The following PLAA variants were observed in gnomAD, a reference collection of about 807,000 sequenced individuals.
The protein encoded by PLAA is phospholipase A2 activating protein.
In PLAA, 48 loss-of-function variants were observed where a neutral mutation model predicts 84.1. That is an observed-to-expected ratio of 0.57 (90% confidence interval 0.45 to 0.73). PLAA has a LOEUF of 0.73. Among genes scored for constraint, PLAA ranks in the 30% least tolerant of loss-of-function variants. The pLI, the probability that PLAA is intolerant of heterozygous loss-of-function variation, is 0.00. For synonymous variants in PLAA, 392 were observed against 336.6 expected (o/e 1.16, Z -1.80); for missense variants, 903 against 954.7 (o/e 0.95, Z 0.71).
chr9:26,918,322 GT>G (rs999618571), intron 9 of PLAA, among the ~76,000 whole-genome samples: 2 of 144,440 alleles, frequency 1.4e-5, no homozygotes, highest in African/African-American at 5.2e-5. Flanking sequence ...TAGAGACAGG[GT>G]TTCGCTATGT....
chr9:26,939,249 G>C (rs762577129), intron 1 of PLAA, among the ~76,000 whole-genome samples: 19 of 151,900 alleles, frequency 1.3e-4, no homozygotes, highest in Non-Finnish European at 2.8e-4. Flanking sequence ...TTAGCCAGGT[G>C]TGGTGGCAGG....
At chr9:26,926,325 C>T in intron 5 of PLAA, 68 bp downstream of exon 5, 2 of 997,530 alleles carry the variant, frequency 2.0e-6, no homozygotes, top group Non-Finnish European at 3.1e-6. Flanking sequence ...CTCCTCCCTC[C>T]ATCTCACAAA....
intron 13 of PLAA, among the ~76,000 whole-genome samples, chr9:26,906,986 C>A (rs1257588986): frequency 1.6e-5 from 2 of 123,376 alleles, no homozygotes; most frequent in East Asian, 2.3e-4. Flanking sequence ...GCAATAAATA[C>A]AGAGATGGAG....
chr9:26,934,948 G>A, intron 2 of PLAA, 65 bp downstream of exon 2: 1 of 1,208,392 alleles, frequency 8.3e-7, no homozygotes, highest in Non-Finnish European at 1.2e-6. Flanking sequence ...AAATGGATAT[G>A]TAAATTTTAC....
intron 1 of PLAA, among the ~76,000 whole-genome samples, chr9:26,936,424 G>C (rs1004256186): frequency 3.9e-5 from 6 of 152,184 alleles, no homozygotes; most frequent in African/African-American, 9.7e-5. Context: ...GGAAGCACCA[G>C]GCATCTGTTT....
rs1205363623 is a variant in PLAA at position 26,933,803 on chromosome 9, A to G, written c.343+1210T>C. Among the ~76,000 whole-genome samples the G allele has an allele frequency of 2.9e-5, 4 of 136,334 alleles. No individual in the cohort carries two copies. The East Asian group carries it at 1.7e-3, about 58-fold the overall frequency. The allele number at this position is 136,334 out of a possible 152,430, so 89.4% of individuals were successfully genotyped here. A position where few individuals can be genotyped will look rare whatever the true frequency, so the allele number is the denominator to read the frequency against. The stretch of plus-strand genomic sequence containing the variant: ...GACTCTGCCTCAAAAAAAAAAAAAA[A>G]AAAAAAAAAATTTTTTGTTTTTAGA... On this transcript the variant is annotated intron_variant, in intron 2 of 13. Coordinates refer to ENST00000397292, the MANE Select transcript of PLAA (RefSeq NM_001031689.3).
intron 1 of PLAA, among the ~76,000 whole-genome samples, chr9:26,943,543 T>C (rs1395630168): frequency 6.6e-6 from 1 of 152,226 alleles, no homozygotes; most frequent in East Asian, 1.9e-4. Context: ...TCAGTGGTAC[T>C]GATTCAAATT....
chr9:26,913,891 C>G lies in PLAA; in HGVS notation c.1543G>C (p.Asp515His). 1 of 1,609,974 alleles carries G rather than the reference C, an allele frequency of 6.2e-7. No homozygotes were observed. Among genetic ancestry groups the G allele is most frequent in the Non-Finnish European group, 8.5e-7 (1 of 1,176,634 alleles). The change falls in exon 11 of 14, where the codon GAT becomes CAT. Residue 515 changes from aspartate (D) to histidine (H), a missense_variant. By Grantham distance (81) the Asp-to-His change is moderately conservative (BLOSUM62 -1). Coordinates refer to ENST00000397292, the MANE Select transcript of PLAA (RefSeq NM_001031689.3). ...AAAAAGTATGTACCTGTAAATGGATCAACTCCGGCCATGGTAGTTCCCATA... is the reference window on the plus strand; with the variant it reads ...AAAAAGTATGTACCTGTAAATGGATGAACTCCGGCCATGGTAGTTCCCATA... The part of the protein sequence containing the change: ...ASMGTTMAGV[D>H]PFTGNSAYRS...
At chr9:26,946,793 TGG>T in intron 1 of PLAA, 102 bp downstream of exon 1, 1 of 1,300,426 alleles carries the variant, frequency 7.7e-7, no homozygotes, top group Non-Finnish European at 1.0e-6. Context: ...GAGGGAAGGC[TGG>T]GGGGAGAGAG....
At chr9:26,917,073 A>G in intron 10 of PLAA, 24 bp downstream of exon 10, 1 of 1,588,750 alleles carries the variant, frequency 6.3e-7, no homozygotes, top group Non-Finnish European at 8.6e-7. Flanking sequence ...GAAGAAAGAT[A>G]CATGAATCAA....
At chr9:26,939,341 T>C (rs1825451660) in intron 1 of PLAA, among the ~76,000 whole-genome samples, 3 of 151,966 alleles carry the variant, frequency 2.0e-5, no homozygotes, top group South Asian at 2.1e-4. Context: ...TGAGCCGAGA[T>C]TGCGCCACTG....
chr9:26,906,220 G>C (rs915031120), intron 13 of PLAA, 144 bp from the exon 14 acceptor site: 2 of 515,202 alleles, frequency 3.9e-6, no homozygotes, highest in African/African-American at 2.0e-5. Context: ...TAAAAAAAAT[G>C]CATATATTTC....
At chr9:26,941,611 A>G (rs1350208531) in intron 1 of PLAA, among the ~76,000 whole-genome samples, 2 of 152,174 alleles carry the variant, frequency 1.3e-5, no homozygotes, top group Non-Finnish European at 2.9e-5. Context: ...AAAAACCAAT[A>G]TGGAGGAAAA....
chr9:26,924,735 A>G (rs1820229221), intron 6 of PLAA, among the ~76,000 whole-genome samples: 1 of 151,954 alleles, frequency 6.6e-6, no homozygotes, highest in Non-Finnish European at 1.5e-5. Flanking sequence ...TAACCTACTA[A>G]CTTCTTTTTC....
intron 2 of PLAA, among the ~76,000 whole-genome samples, chr9:26,930,179 A>T (rs1367909972): frequency 1.4e-5 from 2 of 147,736 alleles, no homozygotes; most frequent in Non-Finnish European, 3.0e-5. Flanking sequence ...ATCTCGGCTC[A>T]CCGCAAGCTC....
intron 1 of PLAA, among the ~76,000 whole-genome samples, chr9:26,938,367 T>C (rs1012335204): frequency 2.0e-5 from 3 of 152,044 alleles, no homozygotes; most frequent in Middle Eastern, 3.4e-3. Flanking sequence ...CTGGTCAACA[T>C]AGCGAAACCC....
chr9:26,927,127 C>CTTTTTTTTT (rs10672584), intron 4 of PLAA, among the ~76,000 whole-genome samples: 14,817 of 136,206 alleles, frequency 0.11, 1,130 homozygotes, highest in South Asian at 0.21. Context: ...TTTTGTTTTT[C>CTTTTTTTTT]TTTTTTTTTT....
intron 11 of PLAA, among the ~76,000 whole-genome samples, chr9:26,911,037 G>C (rs913203541): frequency 6.6e-6 from 1 of 151,924 alleles, no homozygotes; most frequent in Non-Finnish European, 1.5e-5. Flanking sequence ...TGAAGGACAG[G>C]AGTCCTAGTC....
chr9:26,918,168 A>G (rs1031640889), intron 9 of PLAA, among the ~76,000 whole-genome samples: 3 of 151,928 alleles, frequency 2.0e-5, no homozygotes, highest in African/African-American at 7.3e-5. Flanking sequence ...TTGGAGTGCA[A>G]TGGTGCGATC....
Sources: allele counts gnomAD v4.1 joint callset (sites outside exome capture counted in the v4.1 genomes callset), GRCh38; gene constraint gnomAD v4.1.1; transcripts MANE v1.5; gene names NCBI Gene and HGNC (gene_info 2026-07-23, HGNC 2026-07-21).